Variants in GABBR2 observed in about 807,000 individuals in gnomAD.
GABBR2 encodes the protein G-protein coupled receptor 51.
Under a neutral mutation model 105.6 loss-of-function variants are expected in GABBR2, and 23 were observed. That is an observed-to-expected ratio of 0.22 (90% CI 0.16 to 0.31). The LOEUF is 0.31. Among genes scored for constraint, GABBR2 ranks in the 10% least tolerant of loss-of-function variants. The pLI, the probability that GABBR2 is intolerant of heterozygous loss-of-function variation, is 1.00. For missense variants in GABBR2, 734 were observed against 1,245.5 expected, an observed-to-expected ratio of 0.59 and a Z score of 6.18; for synonymous variants, 478 against 499.7, an observed-to-expected ratio of 0.96 and a Z score of 0.58.
At chr9:98,616,428 G>A (rs891888662) in intron 1 of GABBR2, among the ~76,000 whole-genome samples, 3 of 152,166 alleles carry the variant, frequency 2.0e-5, no homozygotes, top group Admixed American at 6.5e-5. Flanking sequence ...AGAGAAGCCC[G>A]AAGCAGAGCT....
intron 1 of GABBR2, among the ~76,000 whole-genome samples, chr9:98,687,151 C>T (rs337529): frequency 0.92 from 138,919 of 151,192 alleles, 63,910 homozygotes; most frequent in Middle Eastern, 0.96. Context: ...CAGGATGTTA[C>T]TGCAACTGGG....
In GABBR2 at chr9:98,311,174, C is replaced by A. The variant is rs781275870; in HGVS notation, c.1925G>T (p.Arg642Leu). Reference sequence around the variant, plus strand: ...GTTCTCACAGTGCTCCAGGAGAGGGCGGATGGAGATATCCCGTCCTGCTGG... The same window carrying A: ...GTTCTCACAGTGCTCCAGGAGAGGGAGGATGGAGATATCCCGTCCTGCTGG... ...PDPAGRDISI[R>L]PLLEHCENTH... The change falls in exon 14 of 19, where the codon CGC becomes CTC. Residue 642 changes from arginine to leucine, a missense_variant. By Grantham distance (102) the Arg-to-Leu change is moderately radical. This residue lies in a region of GABBR2 where 52 missense variants were observed against 81.3 expected (regional missense o/e 0.64). Transcript: ENST00000259455. 1.9e-5 allele frequency: 31 copies of A among 1,613,332 alleles called. No individual in the cohort carries two copies. Among genetic ancestry groups the A allele is most frequent in the Non-Finnish European group, 2.5e-5 (30 of 1,179,430 alleles).
At chr9:98,477,952 A>T (rs1014499993) in intron 5 of GABBR2, among the ~76,000 whole-genome samples, 2 of 152,122 alleles carry the variant, frequency 1.3e-5, no homozygotes, top group African/African-American at 2.4e-5. Flanking sequence ...AGAGATGTAA[A>T]GCGACCTGAT....
chr9:98,326,581 G>A (rs1348486549), intron 13 of GABBR2, among the ~76,000 whole-genome samples: 2 of 152,214 alleles, frequency 1.3e-5, no homozygotes, highest in Admixed American at 6.5e-5. Context: ...CTGAAGACCT[G>A]TTGCAAGATT....
intron 5 of GABBR2, among the ~76,000 whole-genome samples, chr9:98,475,171 C>A (rs539420385): frequency 6.6e-6 from 1 of 152,146 alleles, no homozygotes; most frequent in Admixed American, 6.5e-5. Flanking sequence ...ATAATGCAAC[C>A]TCAGATCACA....
chr9:98,542,112 A>G (rs1828315138), intron 2 of GABBR2, 69 bp from the exon 3 acceptor site: 2 of 1,325,970 alleles, frequency 1.5e-6, no homozygotes, highest in Non-Finnish European at 2.1e-6. Context: ...CATCTTTCCT[A>G]CTGGAATAGA....
In GABBR2 at chr9:98,626,072, G is replaced by A. The variant is rs1045789608; in HGVS notation, c.322-48000C>T. Among the ~76,000 whole-genome samples the A allele has an allele frequency of 8.5e-5, 13 of 152,224 alleles. No individual in the cohort carries two copies. The East Asian group carries it at 2.5e-3, about 29-fold the overall frequency. On this transcript the variant is annotated intron_variant, in intron 1 of 18. Transcript: ENST00000259455. The stretch of plus-strand genomic sequence containing the variant: ...GACCGGGAGAAGAAGCACTGCAGCC[G>A]TGGGACCCACCTGGGTAGAGATTCG...
At chr9:98,421,317 G>A (rs1373017042) in intron 7 of GABBR2, among the ~76,000 whole-genome samples, 3 of 148,518 alleles carry the variant, frequency 2.0e-5, no homozygotes, top group Non-Finnish European at 4.4e-5. Context: ...AAAAATCGAC[G>A]AGGAACAGGA....
intron 13 of GABBR2, among the ~76,000 whole-genome samples, chr9:98,337,553 A>G (rs1577720): frequency 0.67 from 101,724 of 152,096 alleles, 35,178 homozygotes; most frequent in African/African-American, 0.85. Flanking sequence ...GAAGAAAAAA[A>G]TCAGAAGACT....
intron 7 of GABBR2, among the ~76,000 whole-genome samples, chr9:98,426,790 C>A (rs1390610381): frequency 6.6e-6 from 1 of 152,110 alleles, no homozygotes; most frequent in Non-Finnish European, 1.5e-5. Context: ...CAACTTGAGG[C>A]CAGGAGTTCA....
intron 3 of GABBR2, among the ~76,000 whole-genome samples, chr9:98,507,290 G>A (rs1314967941): frequency 6.6e-6 from 1 of 152,128 alleles, no homozygotes; most frequent in African/African-American, 2.4e-5. Flanking sequence ...GGATTATCCT[G>A]GTGGCCCAAC....
At chr9:98,311,357 G>A (rs1830633702) in intron 13 of GABBR2, 152 bp from the exon 14 acceptor site, 4 of 603,396 alleles carry the variant, frequency 6.6e-6, no homozygotes, top group Non-Finnish European at 1.2e-5. Context: ...TTCCTAAGGT[G>A]TGGAGCCCAG....
At chr9:98,459,678 C>G (rs984262785) in intron 6 of GABBR2, among the ~76,000 whole-genome samples, 1 of 152,180 alleles carries the variant, frequency 6.6e-6, no homozygotes, top group East Asian at 1.9e-4. Flanking sequence ...ACAAACAGAA[C>G]TATTTAGAGT....
chr9:98,682,870 CAGAG>C (rs1830567364), intron 1 of GABBR2, among the ~76,000 whole-genome samples: 1 of 136,802 alleles, frequency 7.3e-6, no homozygotes. Flanking sequence ...GCCCAATTGA[CAGAG>C]CTTTTGATTT....
chr9:98,378,075 G>A (rs1831909197), intron 11 of GABBR2, among the ~76,000 whole-genome samples: 1 of 152,168 alleles, frequency 6.6e-6, no homozygotes. Context: ...AAAACCCCAT[G>A]CAACAACAAC....
At chr9:98,338,267 T>A (rs1352323898) in intron 13 of GABBR2, among the ~76,000 whole-genome samples, 3 of 152,130 alleles carry the variant, frequency 2.0e-5, no homozygotes, top group African/African-American at 7.2e-5. Flanking sequence ...AAAAAATATA[T>A]AAATTGCACT....
At chr9:98,303,774 C>T (rs968091977) in intron 15 of GABBR2, among the ~76,000 whole-genome samples, 10 of 152,238 alleles carry the variant, frequency 6.6e-5, no homozygotes, top group African/African-American at 2.2e-4. Flanking sequence ...AAATAAGCCC[C>T]GAGGGCAACA....
At chr9:98,556,988 G>A (rs1281199670) in intron 2 of GABBR2, among the ~76,000 whole-genome samples, 1 of 152,192 alleles carries the variant, frequency 6.6e-6, no homozygotes, top group Non-Finnish European at 1.5e-5. Flanking sequence ...ATTCTGCAGT[G>A]AGCCGTGATA....
chr9:98,300,722 CTT>C (rs1317768957), intron 16 of GABBR2, among the ~76,000 whole-genome samples: 3 of 152,190 alleles, frequency 2.0e-5, no homozygotes, highest in Non-Finnish European at 1.5e-5. Context: ...TTCTCCTGTC[CTT>C]TCTCACCTGC....
Sources: gnomAD v4.1 joint callset for allele counts (sites outside exome capture counted in the v4.1 genomes callset) on GRCh38, gnomAD v4.1.1 for gene constraint, gnomAD v4.1.1 regional missense constraint, MANE v1.5 for transcripts, NCBI Gene and HGNC (gene_info 2026-07-23, HGNC 2026-07-21) for gene names.